The following NKAIN2 variants were observed in gnomAD, a reference collection of about 807,000 sequenced individuals.
NKAIN2 encodes sodium/potassium-transporting ATPase subunit beta-1-interacting protein 2.
NKAIN2 carries 14 observed loss-of-function variants against 32.6 expected under a neutral mutation model. The observed-to-expected ratio is 0.43, with a 90% CI of 0.28 to 0.67. NKAIN2 has a LOEUF of 0.67. Ranked by LOEUF, NKAIN2 falls within the 30% of genes least tolerant of loss-of-function variation. The pLI is 0.17. For missense variants in NKAIN2, 198 were observed against 258.3 expected, an observed-to-expected ratio of 0.77 and a Z score of 1.60; for synonymous variants, 80 against 87.2, an observed-to-expected ratio of 0.92 and a Z score of 0.46.
At chr6:124,602,825 A>G (rs1319132783) in intron 3 of NKAIN2, among the ~76,000 whole-genome samples, 16 of 151,934 alleles carry the variant, frequency 1.1e-4, no homozygotes, top group Non-Finnish European at 5.9e-5. Flanking sequence ...GTTTTCCACA[A>G]GTAGCATGAG....
intron 4 of NKAIN2, among the ~76,000 whole-genome samples, chr6:124,702,038 T>C (rs1157361881): frequency 5.9e-5 from 9 of 152,118 alleles, no homozygotes; most frequent in Non-Finnish European, 1.3e-4. Flanking sequence ...ACTATTGGTA[T>C]GTTCAAAACA....
At chr6:124,815,091 G>A (rs1406221333) in intron 5 of NKAIN2, among the ~76,000 whole-genome samples, 1 of 151,592 alleles carries the variant, frequency 6.6e-6, no homozygotes, top group African/African-American at 2.4e-5. Context: ...TCAGAGCAGT[G>A]AAGCTCTAAC....
intron 3 of NKAIN2, among the ~76,000 whole-genome samples, chr6:124,489,311 C>A (rs1583326925): frequency 6.6e-6 from 1 of 151,884 alleles, no homozygotes; most frequent in Admixed American, 6.6e-5. Flanking sequence ...GTAGCTTCAA[C>A]AACTATTTTC....
At chr6:123,822,567 G>T (rs1773971135) in intron 1 of NKAIN2, among the ~76,000 whole-genome samples, 1 of 151,724 alleles carries the variant, frequency 6.6e-6, no homozygotes, top group South Asian at 2.1e-4. Flanking sequence ...CATTTACATG[G>T]TTTAAATCAG....
intron 2 of NKAIN2, among the ~76,000 whole-genome samples, chr6:124,314,590 C>T (rs930657913): frequency 2.6e-5 from 4 of 152,240 alleles, no homozygotes; most frequent in Middle Eastern, 3.4e-3. Context: ...CATAGCCCTT[C>T]AGAGTTGTGC....
At position 124,031,349 on chromosome 6, in the gene NKAIN2, C is replaced by A. The variant is rs997363814; in HGVS notation, c.54+227095C>A. On this transcript the variant is annotated intron_variant, in intron 1 of 6. Transcript: ENST00000368417. ...GGTCTATCCATTTTGTTGATCTTTT[C>A]AAAAAACCAGCTCCAGGATTCATTG... 2.0e-5 allele frequency among the ~76,000 whole-genome samples: 3 copies of A among 151,946 alleles called. No individual in the cohort carries two copies. In the East Asian group the frequency reaches 5.8e-4, roughly 29 times the overall value.
chr6:124,786,217 T>C (rs1562382577), intron 4 of NKAIN2, among the ~76,000 whole-genome samples: 1 of 152,050 alleles, frequency 6.6e-6, no homozygotes, highest in African/African-American at 2.4e-5. Flanking sequence ...ATAATAATAA[T>C]GGAATTCACC....
chr6:124,179,048 C>T (rs1436771472), intron 1 of NKAIN2, among the ~76,000 whole-genome samples: 2 of 151,990 alleles, frequency 1.3e-5, no homozygotes, highest in Admixed American at 1.3e-4. Flanking sequence ...TACTACAACT[C>T]GATTAAAATT....
At chr6:124,176,180 T>C (rs1308879407) in intron 1 of NKAIN2, among the ~76,000 whole-genome samples, 3 of 152,180 alleles carry the variant, frequency 2.0e-5, no homozygotes, top group Non-Finnish European at 4.4e-5. Flanking sequence ...TTTAAAATAC[T>C]TTATTGTAAA....
chr6:124,187,363 G>C (rs888603624), intron 1 of NKAIN2, among the ~76,000 whole-genome samples: 1 of 152,124 alleles, frequency 6.6e-6, no homozygotes, highest in African/African-American at 2.4e-5. Context: ...TGTCATGCTA[G>C]TTTAAATTTT....
At chr6:124,366,927 C>T (rs1310332276) in intron 3 of NKAIN2, among the ~76,000 whole-genome samples, 5 of 92,440 alleles carry the variant, frequency 5.4e-5, no homozygotes, top group Non-Finnish European at 9.9e-5. Context: ...GACCCTGTCT[C>T]GAAAAAAAAA....
intron 1 of NKAIN2, among the ~76,000 whole-genome samples, chr6:123,984,906 C>T (rs1206092405): frequency 6.6e-6 from 1 of 151,944 alleles, no homozygotes; most frequent in Non-Finnish European, 1.5e-5. Flanking sequence ...AAAATTATGA[C>T]ATAAAAATTA....
intron 1 of NKAIN2, among the ~76,000 whole-genome samples, chr6:123,823,816 A>G (rs1774025440): frequency 6.6e-6 from 1 of 152,196 alleles, no homozygotes; most frequent in Admixed American, 6.5e-5. Flanking sequence ...GAGAAATTCA[A>G]GGAAGAGGAG....
At chr6:124,784,954 T>G (rs1489346527) in intron 4 of NKAIN2, among the ~76,000 whole-genome samples, 1 of 152,164 alleles carries the variant, frequency 6.6e-6, no homozygotes. Context: ...ACTAAGCTTT[T>G]GGAATTAGTA....
intron 4 of NKAIN2, among the ~76,000 whole-genome samples, chr6:124,678,534 T>C (rs1387852850): frequency 6.6e-6 from 1 of 152,208 alleles, no homozygotes; most frequent in Admixed American, 6.5e-5. Context: ...AATTCAGTTA[T>C]TATATGCTTC....
At chr6:123,975,935 C>T (rs913359923) in intron 1 of NKAIN2, among the ~76,000 whole-genome samples, 26 of 151,818 alleles carry the variant, frequency 1.7e-4, no homozygotes, top group South Asian at 2.1e-4. Context: ...GGAGGGACCC[C>T]GTGGGAGGTA....
chr6:124,108,667 G>A (rs1288246773), intron 1 of NKAIN2, among the ~76,000 whole-genome samples: 4 of 151,970 alleles, frequency 2.6e-5, no homozygotes. Flanking sequence ...GGGTTTTACA[G>A]TTTCAGGTAT....
chr6:124,386,238 C>T (rs1227381097), intron 3 of NKAIN2, among the ~76,000 whole-genome samples: 1 of 152,118 alleles, frequency 6.6e-6, no homozygotes, highest in African/African-American at 2.4e-5. Flanking sequence ...GTAACGCCTT[C>T]CTGGATGTTT....
At chr6:123,815,742 A>C (rs1233844013) in intron 1 of NKAIN2, among the ~76,000 whole-genome samples, 1 of 152,138 alleles carries the variant, frequency 6.6e-6, no homozygotes, top group African/African-American at 2.4e-5. Flanking sequence ...GAAACATTTA[A>C]GAGATTATAT....
Sources: allele counts gnomAD v4.1 joint callset (sites outside exome capture counted in the v4.1 genomes callset), GRCh38; gene constraint gnomAD v4.1.1; transcripts MANE v1.5; gene names NCBI Gene and HGNC (gene_info 2026-07-23, HGNC 2026-07-21).